SLC24A2: variants seen among roughly 807,000 people sequenced by gnomAD.
The protein encoded by SLC24A2 is sodium/potassium/calcium exchanger 2.
In SLC24A2, 36 loss-of-function variants were observed where a neutral mutation model predicts 62.0. The observed-to-expected ratio is 0.58, with a 90% CI of 0.44 to 0.77. The LOEUF (loss-of-function observed/expected upper bound fraction) is 0.77. Among genes scored for constraint, SLC24A2 ranks in the 30% least tolerant of loss-of-function variants. SLC24A2 has a pLI of 0.00. For synonymous variants in SLC24A2, 358 were observed against 294.0 expected, an observed-to-expected ratio of 1.22 and a Z score of -2.23; for missense variants, 846 against 817.9, an observed-to-expected ratio of 1.03 and a Z score of -0.42.
intron 4 of SLC24A2, among the ~76,000 whole-genome samples, chr9:19,607,343 A>AGAT (rs1837012582): frequency 6.6e-6 from 1 of 152,164 alleles, no homozygotes; most frequent in Non-Finnish European, 1.5e-5. Flanking sequence ...CAGAGGAGAA[A>AGAT]GATGAAGCTC....
At chr9:20,072,059 T>G in the SLC24A2 span, among the ~76,000 whole-genome samples, 1 of 151,922 alleles carries the variant, frequency 6.6e-6, no homozygotes, top group Non-Finnish European at 1.5e-5. Flanking sequence ...GGTGGATGAG[T>G]TGTTCTTTAC....
the SLC24A2 span, among the ~76,000 whole-genome samples, chr9:20,174,618 G>C: frequency 5.3e-5 from 8 of 151,864 alleles, no homozygotes; most frequent in Non-Finnish European, 8.8e-5. Context: ...CATCACTAAT[G>C]ATCCAGGAAA....
chr9:20,119,139 ATAATTATAC>A, the SLC24A2 span, among the ~76,000 whole-genome samples: 2 of 152,160 alleles, frequency 1.3e-5, no homozygotes, highest in African/African-American at 4.8e-5. Context: ...CAACTGTAAG[ATAATTATAC>A]TAATAACCTA....
Position 19,511,614 on chromosome 9 carries a change from A to G in SLC24A2, c.*4539T>C, listed in dbSNP as rs1490364516. 3 of 152,146 alleles carry G rather than the reference A, an allele frequency of 2.0e-5. No homozygotes were observed. Among genetic ancestry groups the G allele is most frequent in the Non-Finnish European group, 2.9e-5 (2 of 68,028 alleles). 9.4% of individuals were successfully genotyped at this position (152,146 alleles called of 1,614,324 possible). A position where few individuals can be genotyped will look rare whatever the true frequency, so the allele number is the denominator to read the frequency against. On this transcript the variant is annotated 3_prime_UTR_variant, in exon 11 of 11. Coordinates refer to ENST00000341998, the MANE Select transcript of SLC24A2 (RefSeq NM_020344.4). ...AATAATTGAAGACAGTATTGTTGAG[A>G]CAGGTATAGGGGTTGAGGAGGTATC...
intron 2 of SLC24A2, among the ~76,000 whole-genome samples, chr9:19,663,245 G>C (rs1819153494): frequency 6.6e-6 from 1 of 152,208 alleles, no homozygotes; most frequent in African/African-American, 2.4e-5. Flanking sequence ...TGCACAGCTA[G>C]TGAGTGCCAT....
chr9:20,094,633 T>C, the SLC24A2 span, among the ~76,000 whole-genome samples: 1 of 152,192 alleles, frequency 6.6e-6, no homozygotes, highest in African/African-American at 2.4e-5. Context: ...TGTATGTCTT[T>C]TGAACAGTTC....
chr9:19,834,334 T>C, the SLC24A2 span, among the ~76,000 whole-genome samples: 2 of 150,354 alleles, frequency 1.3e-5, no homozygotes, highest in African/African-American at 4.9e-5. Context: ...TGAAAAAAAA[T>C]TAGACGAATG....
the SLC24A2 span, among the ~76,000 whole-genome samples, chr9:20,191,161 C>CT: frequency 5.1e-4 from 74 of 144,450 alleles, no homozygotes; most frequent in Admixed American, 6.2e-4. Flanking sequence ...TTTTCCGGAC[C>CT]TTTTTTTTTT....
the SLC24A2 span, among the ~76,000 whole-genome samples, chr9:20,117,319 G>A: frequency 2.6e-5 from 4 of 152,156 alleles, no homozygotes; most frequent in African/African-American, 9.7e-5. Flanking sequence ...GCAACAGCAT[G>A]GAAGGAGACT....
chr9:19,693,239 T>A (rs959101336), intron 2 of SLC24A2, among the ~76,000 whole-genome samples: 1 of 152,044 alleles, frequency 6.6e-6, no homozygotes, highest in South Asian at 2.1e-4. Flanking sequence ...CACACGCACA[T>A]GTATGTTTAT....
chr9:19,975,137 C>T, the SLC24A2 span, among the ~76,000 whole-genome samples: 1 of 152,100 alleles, frequency 6.6e-6, no homozygotes, highest in Admixed American at 6.5e-5. Context: ...TTGGTTTAGG[C>T]CAAAAGAACA....
the SLC24A2 span, among the ~76,000 whole-genome samples, chr9:20,162,210 A>T: frequency 6.6e-6 from 1 of 151,690 alleles, no homozygotes; most frequent in Non-Finnish European, 1.5e-5. Flanking sequence ...CAGCTATGTT[A>T]TTATGCAACA....
chr9:20,082,135 T>C, the SLC24A2 span, among the ~76,000 whole-genome samples: 1 of 152,206 alleles, frequency 6.6e-6, no homozygotes, highest in Non-Finnish European at 1.5e-5. Flanking sequence ...TCTGTTCCAG[T>C]TGACTCAGAT....
At chr9:20,062,014 T>C in the SLC24A2 span, among the ~76,000 whole-genome samples, 3 of 152,130 alleles carry the variant, frequency 2.0e-5, no homozygotes, top group Non-Finnish European at 4.4e-5. Context: ...GGCAGGAGGA[T>C]TGCTTGAGGC....
chr9:20,257,731 A>G, the SLC24A2 span, among the ~76,000 whole-genome samples: 1 of 152,236 alleles, frequency 6.6e-6, no homozygotes, highest in East Asian at 1.9e-4. Flanking sequence ...CCAATTTATC[A>G]GTTTGTTATG....
At chr9:19,533,949 G>A (rs1188003465) in intron 8 of SLC24A2, among the ~76,000 whole-genome samples, 4 of 152,180 alleles carry the variant, frequency 2.6e-5, no homozygotes, top group Admixed American at 2.0e-4. Context: ...AATATGCTTT[G>A]TGAATAAACT....
At chr9:19,725,706 G>A (rs2118678977) in intron 2 of SLC24A2, among the ~76,000 whole-genome samples, 1 of 152,238 alleles carries the variant, frequency 6.6e-6, no homozygotes, top group East Asian at 1.9e-4. Flanking sequence ...CACCATGACT[G>A]CAATTTTTCA....
At chr9:20,176,185 G>A in the SLC24A2 span, among the ~76,000 whole-genome samples, 1 of 152,014 alleles carries the variant, frequency 6.6e-6, no homozygotes, top group South Asian at 2.1e-4. Flanking sequence ...ATGAAGCTCA[G>A]ATTTGTTAGG....
At chr9:20,112,723 T>C in the SLC24A2 span, among the ~76,000 whole-genome samples, 1 of 152,052 alleles carries the variant, frequency 6.6e-6, no homozygotes, top group East Asian at 1.9e-4. Flanking sequence ...CTGGGGAGTG[T>C]GGTTCCTGGG....
Sources: allele counts gnomAD v4.1 joint callset (sites outside exome capture counted in the v4.1 genomes callset), GRCh38; gene constraint gnomAD v4.1.1; transcripts MANE v1.5; gene names NCBI Gene and HGNC (gene_info 2026-07-23, HGNC 2026-07-21).